The following SH3RF3 variants were observed in gnomAD, a reference collection of about 807,000 sequenced individuals.
SH3RF3 encodes the protein E3 ubiquitin-protein ligase SH3RF3.
In SH3RF3, 29 loss-of-function variants were observed where a neutral mutation model predicts 66.3. The observed-to-expected ratio is 0.44, with a 90% CI of 0.33 to 0.60. SH3RF3 has a LOEUF of 0.60. Among genes scored for constraint, SH3RF3 ranks in the 20% least tolerant of loss-of-function variants. The pLI is 0.04. For synonymous variants in SH3RF3, 583 were observed against 532.0 expected, an observed-to-expected ratio of 1.10 and a Z score of -1.32; for missense variants, 1,194 against 1,190.9, an observed-to-expected ratio of 1.00 and a Z score of -0.04.
chr2:109,347,187 T>C (rs1255294449), intron 1 of SH3RF3, among the ~76,000 whole-genome samples: 1 of 152,212 alleles, frequency 6.6e-6, no homozygotes, highest in Non-Finnish European at 1.5e-5. Flanking sequence ...GTCTGGCAGC[T>C]TCTTAGACTA....
intron 1 of SH3RF3, among the ~76,000 whole-genome samples, chr2:109,295,843 G>T (rs968793242): frequency 2.0e-5 from 3 of 152,190 alleles, no homozygotes; most frequent in East Asian, 3.9e-4. Context: ...GGGCATCTCT[G>T]TGTAGCTTGA....
Position 109,416,920 on chromosome 2 carries a change from A to AC in SH3RF3, c.1300-2619_1300-2618insC, listed in dbSNP as rs1222626246. On this transcript the variant is annotated intron_variant, in intron 4 of 9. Transcript: ENST00000309415. The stretch of plus-strand genomic sequence containing the variant: ...ACTTCATCTCAAAAAAAAAAAAAAA[A>AC]AAAAGAATTGTATGTCCAGTGCTTG... 2.0e-5 allele frequency among the ~76,000 whole-genome samples: 3 copies of AC among 151,662 alleles called. No individual in the cohort carries two copies. In the East Asian group the frequency reaches 5.8e-4, roughly 29 times the overall value.
chr2:109,416,994 A>C (rs973349659), intron 4 of SH3RF3, among the ~76,000 whole-genome samples: 4 of 151,032 alleles, frequency 2.6e-5, no homozygotes, highest in Admixed American at 2.6e-4. Context: ...GGTGTTCCCC[A>C]TGGGGGCCCA....
chr2:109,348,068 C>T, intron 2 of SH3RF3, 119 bp downstream of exon 2: 1 of 1,355,684 alleles, frequency 7.4e-7, no homozygotes, highest in Non-Finnish European at 9.9e-7. Flanking sequence ...ATCCTGGCTC[C>T]TCCCGGAACC....
intron 7 of SH3RF3, among the ~76,000 whole-genome samples, chr2:109,447,590 A>T (rs1677746387): frequency 6.6e-6 from 1 of 152,126 alleles, no homozygotes; most frequent in Non-Finnish European, 1.5e-5. Context: ...CACTTGGTAT[A>T]AAGCAGTGTC....
At chr2:109,170,620 G>C (rs989131925) in intron 1 of SH3RF3, among the ~76,000 whole-genome samples, 12 of 152,102 alleles carry the variant, frequency 7.9e-5, no homozygotes, top group Non-Finnish European at 1.6e-4. Context: ...AAAGCGCTGG[G>C]ATTACAGGTG....
chr2:109,247,432 G>A (rs1488712648), intron 1 of SH3RF3, among the ~76,000 whole-genome samples: 2 of 152,284 alleles, frequency 1.3e-5, no homozygotes, highest in South Asian at 2.1e-4. Context: ...ATCCCTGAAC[G>A]TCACGGCTCC....
chr2:109,223,445 C>T (rs1481168773), intron 1 of SH3RF3, among the ~76,000 whole-genome samples: 1 of 152,204 alleles, frequency 6.6e-6, no homozygotes, highest in East Asian at 1.9e-4. Context: ...TCGGTTATTT[C>T]AGGCATTGTC....
chr2:109,345,657 A>T (rs1014872888), intron 1 of SH3RF3, among the ~76,000 whole-genome samples: 5 of 152,176 alleles, frequency 3.3e-5, no homozygotes, highest in African/African-American at 1.2e-4. Flanking sequence ...AAGTGTCTCC[A>T]TGTAGCCAAT....
At chr2:109,444,994 T>C (rs1199986500) in intron 7 of SH3RF3, among the ~76,000 whole-genome samples, 6 of 152,086 alleles carry the variant, frequency 3.9e-5, no homozygotes, top group Non-Finnish European at 5.9e-5. Context: ...CAGAAACAAC[T>C]GGATATGAAA....
chr2:109,306,926 A>G lies in SH3RF3; in HGVS notation c.574-40748A>G, dbSNP rs116093898. ...GGCCGCGGCATGCATGCCCGTGTGG[A>G]TGGCTGATGGTGTGCTATGGAGGTG... On this transcript the variant is annotated intron_variant, in intron 1 of 9. Coordinates refer to ENST00000309415, the MANE Select transcript of SH3RF3 (RefSeq NM_001099289.3). Among the ~76,000 whole-genome samples the G allele has an allele frequency of 8.5e-3, 1,294 of 152,284 alleles. 15 individuals are homozygous for G. Among genetic ancestry groups the G allele is most frequent in the African/African-American group, 0.03 (1,240 of 41,552 alleles).
At chr2:109,194,344 C>T (rs12620235) in intron 1 of SH3RF3, among the ~76,000 whole-genome samples, 123,080 of 152,282 alleles carry the variant, frequency 0.81, 49,868 homozygotes, top group South Asian at 0.86. Context: ...CAGCTGTGCC[C>T]TGTTCCCCTG....
chr2:109,163,771 G>A (rs1249367707), intron 1 of SH3RF3, among the ~76,000 whole-genome samples: 6 of 152,096 alleles, frequency 3.9e-5, no homozygotes, highest in African/African-American at 9.7e-5. Flanking sequence ...GTGTGCAGTC[G>A]GCAGCTCAGG....
At chr2:109,401,749 C>T (rs1676322543) in intron 4 of SH3RF3, among the ~76,000 whole-genome samples, 1 of 152,214 alleles carries the variant, frequency 6.6e-6, no homozygotes, top group Admixed American at 6.5e-5. Flanking sequence ...GCATCCTCAC[C>T]TGCACCAGCC....
At chr2:109,329,604 G>T (rs768889059) in intron 1 of SH3RF3, among the ~76,000 whole-genome samples, 21 of 152,228 alleles carry the variant, frequency 1.4e-4, no homozygotes, top group Non-Finnish European at 4.4e-5. Context: ...TAAGTCTGGA[G>T]CTGACAGGCC....
chr2:109,411,052 C>G (rs1676574920), intron 4 of SH3RF3, among the ~76,000 whole-genome samples: 1 of 152,198 alleles, frequency 6.6e-6, no homozygotes, highest in African/African-American at 2.4e-5. Flanking sequence ...AAAGCAGCAT[C>G]AGAGAGGTGG....
chr2:109,473,550 A>G (rs1308662485), intron 8 of SH3RF3, among the ~76,000 whole-genome samples: 2 of 152,222 alleles, frequency 1.3e-5, no homozygotes, highest in African/African-American at 4.8e-5. Context: ...AGGAGAGAGA[A>G]ATAAACCCTC....
At chr2:109,266,780 G>GC (rs1456793614) in intron 1 of SH3RF3, among the ~76,000 whole-genome samples, 1 of 152,100 alleles carries the variant, frequency 6.6e-6, no homozygotes, top group Non-Finnish European at 1.5e-5. Context: ...GTGAGCGTGT[G>GC]CCCACTCGCA....
intron 1 of SH3RF3, among the ~76,000 whole-genome samples, chr2:109,317,719 AGTGTGGAGT>A (rs1477833703): frequency 2.0e-5 from 3 of 152,210 alleles, no homozygotes. Context: ...CAGTGAGGTC[AGTGTGGAGT>A]GCGAGGGTGC....
Sources: gnomAD v4.1 joint callset for allele counts (sites outside exome capture counted in the v4.1 genomes callset) on GRCh38, gnomAD v4.1.1 for gene constraint, MANE v1.5 for transcripts, NCBI Gene and HGNC (gene_info 2026-07-23, HGNC 2026-07-21) for gene names.